The following MCPH1 variants were observed in gnomAD, a reference collection of about 807,000 sequenced individuals.
MCPH1 encodes the protein microcephalin 1.
Under a neutral mutation model 84.5 loss-of-function variants are expected in MCPH1, and 104 were observed. The observed-to-expected ratio is 1.23, with a 90% confidence interval of 1.05 to 1.45. The LOEUF (loss-of-function observed/expected upper bound fraction) is 1.45, where lower values mean the gene tolerates loss of function less well. MCPH1 is among the 40% of genes most tolerant of loss of function. The probability of loss-of-function intolerance (pLI) is 0.00; values close to 1 mark genes in which losing one functional copy is unlikely to be tolerated. For missense variants in MCPH1, 1,498 were observed against 1,005.7 expected, an observed-to-expected ratio of 1.49 and a Z score of -6.62; for synonymous variants, 514 against 366.8, an observed-to-expected ratio of 1.40 and a Z score of -4.58.
intron 13 of MCPH1, chr8:6,627,339 G>A: frequency 4.1e-6 from 4 of 965,466 alleles, no homozygotes; most frequent in Non-Finnish European, 4.9e-6. Context: ...AGGAGAGTGA[G>A]GACGGGGACT....
At chr8:6,578,690 C>T (rs1369108348) in intron 12 of MCPH1, among the ~76,000 whole-genome samples, 1 of 152,192 alleles carries the variant, frequency 6.6e-6, no homozygotes, top group Non-Finnish European at 1.5e-5. Flanking sequence ...TAGGTGTCAA[C>T]ATGTCCAAGC....
chr8:6,619,315 G>C (rs1393808039), intron 12 of MCPH1: 1 of 152,308 alleles, frequency 6.6e-6, no homozygotes, highest in Non-Finnish European at 1.5e-5. Context: ...GTTTGAGACA[G>C]AGTCCTGCTG....
intron 12 of MCPH1, among the ~76,000 whole-genome samples, chr8:6,609,400 T>A (rs1316964849): frequency 6.6e-6 from 1 of 152,216 alleles, no homozygotes; most frequent in Non-Finnish European, 1.5e-5. Context: ...TATGACTTTT[T>A]AAAAAGTTAT....
chr8:6,417,576 C>G (rs1799498767), intron 3 of MCPH1, among the ~76,000 whole-genome samples: 2 of 152,136 alleles, frequency 1.3e-5, no homozygotes, highest in South Asian at 4.1e-4. Flanking sequence ...TTTTCTCCAT[C>G]AAATCCATTC....
intron 4 of MCPH1, among the ~76,000 whole-genome samples, chr8:6,433,981 T>C (rs145391840): frequency 3.5e-4 from 54 of 152,250 alleles, no homozygotes; most frequent in African/African-American, 1.2e-3. Context: ...TCTGGAACAT[T>C]CTTCCCCCAA....
chr8:6,454,478 G>C (rs887619871), intron 8 of MCPH1, among the ~76,000 whole-genome samples: 1 of 152,212 alleles, frequency 6.6e-6, no homozygotes, highest in African/African-American at 2.4e-5. Flanking sequence ...GGAGGAGGAA[G>C]GGTGAGAGTA....
At chr8:6,576,230 G>C (rs1437019049) in intron 12 of MCPH1, among the ~76,000 whole-genome samples, 1 of 152,096 alleles carries the variant, frequency 6.6e-6, no homozygotes, top group Non-Finnish European at 1.5e-5. Context: ...AGCAGTAAAA[G>C]TGTTTCCTAG....
At chr8:6,517,012 A>G (rs1183744264) in intron 12 of MCPH1, among the ~76,000 whole-genome samples, 1 of 152,348 alleles carries the variant, frequency 6.6e-6, no homozygotes, top group East Asian at 1.9e-4. Flanking sequence ...GTTTTTAGAA[A>G]AAAGAACAGA....
chr8:6,452,344 A>T (rs1805185403), intron 8 of MCPH1, among the ~76,000 whole-genome samples: 1 of 152,244 alleles, frequency 6.6e-6, no homozygotes, highest in Non-Finnish European at 1.5e-5. Flanking sequence ...TGGTATTATT[A>T]ATCCAAACTA....
intron 12 of MCPH1, among the ~76,000 whole-genome samples, chr8:6,541,022 T>C (rs1426934559): frequency 1.6e-5 from 2 of 127,596 alleles, no homozygotes; most frequent in Non-Finnish European, 3.7e-5. Flanking sequence ...GAGCTGTGCT[T>C]GCGAGAGTGC....
At chr8:6,487,481 C>G (rs1471673272) in intron 11 of MCPH1, among the ~76,000 whole-genome samples, 1 of 152,240 alleles carries the variant, frequency 6.6e-6, no homozygotes, top group Non-Finnish European at 1.5e-5. Context: ...CAGCTTTTCA[C>G]TGGTGTTAGT....
chr8:6,636,001 T>C (rs1168311886), intron 13 of MCPH1, among the ~76,000 whole-genome samples: 1 of 152,204 alleles, frequency 6.6e-6, no homozygotes, highest in Admixed American at 6.5e-5. Flanking sequence ...AGTACTTATG[T>C]GTGAATAAGT....
chr8:6,633,659 A>G (rs1302995646), intron 13 of MCPH1, among the ~76,000 whole-genome samples: 1 of 152,078 alleles, frequency 6.6e-6, no homozygotes, highest in African/African-American at 2.4e-5. Context: ...TAACTTTTCC[A>G]TGCACACCCA....
At chr8:6,570,538 G>A (rs1011283588) in intron 12 of MCPH1, among the ~76,000 whole-genome samples, 6 of 152,164 alleles carry the variant, frequency 3.9e-5, no homozygotes, top group African/African-American at 1.4e-4. Context: ...AAGGACGCGG[G>A]CCTCCACAGC....
At chr8:6,434,890 A>G (rs982233750) in intron 4 of MCPH1, among the ~76,000 whole-genome samples, 1 of 152,190 alleles carries the variant, frequency 6.6e-6, no homozygotes, top group African/African-American at 2.4e-5. Flanking sequence ...GTTATAGGTA[A>G]AATCGATGTG....
At chr8:6,639,121 C>A (rs1283472437) in intron 13 of MCPH1, among the ~76,000 whole-genome samples, 1 of 152,110 alleles carries the variant, frequency 6.6e-6, no homozygotes, top group African/African-American at 2.4e-5. Flanking sequence ...TTATCCCCAC[C>A]ACGATAAATA....
At chr8:6,514,814 C>A (rs1179212171) in intron 12 of MCPH1, 40 of 1,550,800 alleles carry the variant, frequency 2.6e-5, no homozygotes, top group Non-Finnish European at 3.3e-5. Context: ...GTGACAGAGC[C>A]CCCCCACTCC....
At chr8:6,435,929 C>G (rs1222600545) in intron 4 of MCPH1, 119 bp from the exon 5 acceptor site, 2 of 1,267,314 alleles carry the variant, frequency 1.6e-6, no homozygotes, top group Non-Finnish European at 1.1e-6. Context: ...AGAAACACCT[C>G]TTTTAGAATT....
In MCPH1 at chr8:6,446,940, A is replaced by G. The variant is rs1409146578; in HGVS notation, c.1825+1393A>G. On this transcript the variant is annotated intron_variant, in intron 8 of 13. Coordinates refer to ENST00000344683, the MANE Select transcript of MCPH1 (RefSeq NM_024596.5). ...TAGAAGGGGGTGAGGGGCCAGCACT[A>G]GTTGACTCAAGGCACCCTGGTGGGG... is the stretch of plus-strand genomic sequence containing the variant. The G allele has an allele frequency of 3.0e-6, 3 of 985,186 alleles. No individual in the cohort carries two copies. The East Asian group carries it at 3.4e-4, about 112-fold the overall frequency. 61.0% of individuals were successfully genotyped at this position (985,186 alleles called of 1,614,324 possible). A position where few individuals can be genotyped will look rare whatever the true frequency, so the allele number is the denominator to read the frequency against.
Sources: gnomAD v4.1 joint callset for allele counts (sites outside exome capture counted in the v4.1 genomes callset) on GRCh38, gnomAD v4.1.1 for gene constraint, MANE v1.5 for transcripts, NCBI Gene and HGNC (gene_info 2026-07-23, HGNC 2026-07-21) for gene names.